Variants in BCL2L13 observed in about 807,000 individuals in gnomAD.
The protein encoded by BCL2L13 is BCL2 like 13, also known as bcl-2-like protein 13.
Under a neutral mutation model 25.8 loss-of-function variants are expected in BCL2L13, and 13 were observed. The ratio of observed to expected loss-of-function variants is 0.50; its 90% CI spans 0.33 to 0.80. The LOEUF is 0.80. Ranked by LOEUF, BCL2L13 falls within the 30% of genes least tolerant of loss-of-function variation. The pLI is 0.02. For synonymous variants in BCL2L13, 244 were observed against 230.3 expected (o/e 1.06, Z -0.54); for missense variants, 504 against 574.9 (o/e 0.88, Z 1.26).
rs548087963 is a variant in BCL2L13 at position 17,664,801 on chromosome 22, C to T, written c.121+8969C>T. Among the ~76,000 whole-genome samples the T allele has an allele frequency of 1.5e-3, 224 of 152,308 alleles. 1 individual carries two copies. The highest frequency in any genetic ancestry group is 4.9e-3 in the African/African-American group (203 of 41,580). ...ACTTTCACCCCCTGAAGCCATTTCC[C>T]GAGCTGTACCTTGGCCCCTTTAGCC... On this transcript the variant is annotated intron_variant, in intron 2 of 6. Coordinates refer to ENST00000317582, the MANE Select transcript of BCL2L13 (RefSeq NM_015367.4).
chr22:17,712,329 T>C (rs1197836200), intron 6 of BCL2L13, among the ~76,000 whole-genome samples: 1 of 152,220 alleles, frequency 6.6e-6, no homozygotes, highest in Non-Finnish European at 1.5e-5. Flanking sequence ...ACTTTCCTGT[T>C]AGTGACATTA....
intron 6 of BCL2L13, among the ~76,000 whole-genome samples, chr22:17,705,323 A>G (rs553572656): frequency 8.8e-4 from 131 of 148,194 alleles, no homozygotes; most frequent in African/African-American, 3.1e-3. Context: ...TTTCAGATGT[A>G]GTCTCCCTGT....
intron 2 of BCL2L13, among the ~76,000 whole-genome samples, chr22:17,671,117 G>A (rs558744800): frequency 9.2e-5 from 14 of 152,082 alleles, no homozygotes; most frequent in South Asian, 4.2e-4. Context: ...AAAATTGGCC[G>A]GGCACGGTGG....
At chr22:17,724,705 A>G (rs1292441003) in intron 6 of BCL2L13, among the ~76,000 whole-genome samples, 1 of 152,274 alleles carries the variant, frequency 6.6e-6, no homozygotes, top group Non-Finnish European at 1.5e-5. Flanking sequence ...AATAGCAACC[A>G]TAATCATAAA....
Position 17,692,051 on chromosome 22 carries a change from T to C in BCL2L13, c.386+2909T>C, listed in dbSNP as rs374367805. 1.3e-4 allele frequency among the ~76,000 whole-genome samples: 20 copies of C among 152,346 alleles called. 1 individual carries two copies. In the East Asian group the frequency reaches 3.9e-3, roughly 29 times the overall value. ...CTAATGGATGATAAACTACATAAACTAGAAGTATTATAAACGTTGAAGGCA... is the reference window on the plus strand; with the variant it reads ...CTAATGGATGATAAACTACATAAACCAGAAGTATTATAAACGTTGAAGGCA... On this transcript the variant is annotated intron_variant, in intron 4 of 6. Transcript: ENST00000317582.
chr22:17,636,071 C>G (rs996034495), upstream of BCL2L13, among the ~76,000 whole-genome samples: 2 of 149,380 alleles, frequency 1.3e-5, 1 homozygote, highest in African/African-American at 5.1e-5. Context: ...CGCCTGTAAT[C>G]CCACCACTTT....
At chr22:17,645,222 A>G (rs1186599453) in intron 1 of BCL2L13, among the ~76,000 whole-genome samples, 1 of 130,868 alleles carries the variant, frequency 7.6e-6, no homozygotes, top group East Asian at 2.4e-4. Flanking sequence ...AACTAATAGT[A>G]GGATTTTTTT....
At chr22:17,713,707 A>G (rs1284063708) in intron 6 of BCL2L13, among the ~76,000 whole-genome samples, 1 of 151,144 alleles carries the variant, frequency 6.6e-6, no homozygotes, top group African/African-American at 2.4e-5. Context: ...TGATCCACCC[A>G]CCTCAGCCTC....
intron 1 of BCL2L13, among the ~76,000 whole-genome samples, chr22:17,653,019 C>G (rs150297094): frequency 1.3e-5 from 2 of 151,892 alleles, no homozygotes; most frequent in Non-Finnish European, 2.9e-5. Flanking sequence ...GAGCCGAGAT[C>G]GCGCCACTGC....
chr22:17,682,028 T>C (rs2059771729), intron 2 of BCL2L13, among the ~76,000 whole-genome samples: 1 of 152,224 alleles, frequency 6.6e-6, no homozygotes, highest in African/African-American at 2.4e-5. Context: ...GCACTTGATA[T>C]TAGCCATTAT....
intron 4 of BCL2L13, among the ~76,000 whole-genome samples, chr22:17,689,759 C>T (rs923099261): frequency 5.3e-5 from 8 of 150,288 alleles, no homozygotes; most frequent in African/African-American, 1.7e-4. Context: ...AGGACAATCA[C>T]TTGAACCCGG....
At chr22:17,657,484 A>G (rs748256969) in intron 2 of BCL2L13, among the ~76,000 whole-genome samples, 4 of 150,860 alleles carry the variant, frequency 2.7e-5, no homozygotes, top group Non-Finnish European at 4.4e-5. Context: ...ATCTCCATTT[A>G]TCTGTCTGTG....
intron 1 of BCL2L13, 55 bp downstream of exon 1, chr22:17,638,941 CTGGGTAGGAAAG>C (rs1357069659): frequency 8.2e-7 from 1 of 1,217,386 alleles, no homozygotes; most frequent in African/African-American, 1.6e-5. Flanking sequence ...TGGTTTTCAC[CTGGGTAGGAAAG>C]TGCCCAGAGA....
chr22:17,667,883 A>G (rs371180112), intron 2 of BCL2L13, among the ~76,000 whole-genome samples: 1 of 150,986 alleles, frequency 6.6e-6, no homozygotes, highest in Non-Finnish European at 1.5e-5. Context: ...CATTCATGCT[A>G]TAGTTTGTCT....
chr22:17,686,961 C>A lies in BCL2L13; in HGVS notation c.230-2025C>A, dbSNP rs112055330. ...TTAAAATACGTTCACTTATTGAACC[C>A]CATATTATCTAAGTTAGACCATTAA... is the stretch of plus-strand genomic sequence containing the variant. On this transcript the variant is annotated intron_variant, in intron 3 of 6. Transcript: ENST00000317582. Among the ~76,000 whole-genome samples the A allele has an allele frequency of 4.2e-3, 642 of 151,610 alleles. 7 individuals are homozygous for A. The highest frequency in any genetic ancestry group is 0.015 in the African/African-American group (616 of 41,328).
intron 2 of BCL2L13, among the ~76,000 whole-genome samples, chr22:17,664,391 T>G (rs889609850): frequency 6.8e-6 from 1 of 146,244 alleles, no homozygotes. Flanking sequence ...GCTCCACCTG[T>G]GTGGCTTTGC....
intron 1 of BCL2L13, among the ~76,000 whole-genome samples, chr22:17,646,979 T>TTTTTTTC (rs2058516875): frequency 9.5e-6 from 1 of 105,538 alleles, no homozygotes; most frequent in Admixed American, 1.0e-4. Flanking sequence ...TTTTTTTTTT[T>TTTTTTTC]CTTTTTCTTT....
chr22:17,634,669 G>A (rs1027842898), upstream of BCL2L13, among the ~76,000 whole-genome samples: 30 of 152,240 alleles, frequency 2.0e-4, no homozygotes, highest in South Asian at 4.1e-4. Flanking sequence ...TTGGCCAGGC[G>A]TGGTGGCTGG....
At chr22:17,678,870 C>T (rs2059651038) in intron 2 of BCL2L13, among the ~76,000 whole-genome samples, 1 of 152,146 alleles carries the variant, frequency 6.6e-6, no homozygotes, top group Admixed American at 6.6e-5. Context: ...AACTTAGTGG[C>T]CCAGTTCATG....
Sources: gnomAD v4.1 joint callset for allele counts (sites outside exome capture counted in the v4.1 genomes callset) on GRCh38, gnomAD v4.1.1 for gene constraint, MANE v1.5 for transcripts, NCBI Gene and HGNC (gene_info 2026-07-23, HGNC 2026-07-21) for gene names.